Variants in DUSP18 observed in about 807,000 individuals in gnomAD.
The protein encoded by DUSP18 is dual specificity protein phosphatase 18.
Under a neutral mutation model 6.3 loss-of-function variants are expected in DUSP18, and 4 were observed. The observed-to-expected ratio is 0.63, with a 90% CI of 0.31 to 1.45. The LOEUF is 1.45. Ranked by LOEUF, DUSP18 falls within the 40% of genes most tolerant of loss-of-function variation. The pLI, the probability that DUSP18 is intolerant of heterozygous loss-of-function variation, is 0.07. For missense variants in DUSP18, 235 were observed against 247.7 expected (o/e 0.95, Z 0.34); for synonymous variants, 96 against 95.1 (o/e 1.01, Z -0.05).
chr22:30,654,672 CTTCT>C (rs1393237952), intron 2 of DUSP18: 6 of 432,974 alleles, frequency 1.4e-5, no homozygotes, highest in Non-Finnish European at 2.3e-5. Context: ...GGTACTTCAA[CTTCT>C]TTCTATAGAC....
chr22:30,654,709 C>A, intron 2 of DUSP18: 1 of 375,328 alleles, frequency 2.7e-6, no homozygotes. Flanking sequence ...ACTGATGCCC[C>A]CGCAGTGTAC....
exon 3 of DUSP18, chr22:30,652,293 A>T (rs1231141346): frequency 6.6e-6 from 1 of 152,226 alleles, no homozygotes; most frequent in East Asian, 1.9e-4. Flanking sequence ...CATCAAGGGC[A>T]GGGGCTGCAA....
At chr22:30,652,538 A>C (rs549123908) in intron 2 of DUSP18, among the ~76,000 whole-genome samples, 10 of 152,382 alleles carry the variant, frequency 6.6e-5, no homozygotes, top group African/African-American at 1.9e-4. Context: ...GCCTATGCCC[A>C]GGAATGAATA....
downstream of DUSP18, among the ~76,000 whole-genome samples, chr22:30,659,252 G>A (rs1193658207): frequency 4.6e-5 from 7 of 152,088 alleles, no homozygotes; most frequent in South Asian, 4.2e-4. Flanking sequence ...GACATTTTCC[G>A]TGGGATTTAA....
chr22:30,666,119 G>A (rs2088647898), intron 1 of DUSP18, among the ~76,000 whole-genome samples: 1 of 152,190 alleles, frequency 6.6e-6, no homozygotes, highest in African/African-American at 2.4e-5. Flanking sequence ...GAACCCAGAT[G>A]GAAGTCTAAA....
rs1555900944 is a variant in DUSP18 at position 30,662,033 on chromosome 22, T to TTG, written c.*1403_*1404insCA. ...AGGGTCTGAAAGGACTTAAACCATT[T>TTG]TTTTTTTTTTTTTTTTTTACACACA... On this transcript the variant is annotated 3_prime_UTR_variant, in exon 2 of 2. Transcript: ENST00000334679. The TTG allele has an allele frequency of 1.3e-5, 2 of 150,048 alleles. No homozygotes were observed. Among genetic ancestry groups the TTG allele is most frequent in the Non-Finnish European group, 3.0e-5 (2 of 67,394 alleles). The allele number at this position is 150,048 out of a possible 1,614,324, so 9.3% of individuals were successfully genotyped here. A position where few individuals can be genotyped will look rare whatever the true frequency, so the allele number is the denominator to read the frequency against.
intron 2 of DUSP18, chr22:30,654,526 G>A: frequency 2.3e-6 from 1 of 431,524 alleles, no homozygotes; most frequent in Admixed American, 2.6e-5. Flanking sequence ...GGGCGGCCTG[G>A]CTTCCTTGGT....
chr22:30,657,866 T>C (rs1434793128), downstream of DUSP18, among the ~76,000 whole-genome samples: 3 of 150,642 alleles, frequency 2.0e-5, no homozygotes, highest in Non-Finnish European at 2.9e-5. Context: ...ATCACGCCAC[T>C]GCACTCCAGC....
At chr22:30,666,628 A>AAAAAG in intron 1 of DUSP18, among the ~76,000 whole-genome samples, 1 of 145,640 alleles carries the variant, frequency 6.9e-6, no homozygotes, top group South Asian at 2.2e-4. Context: ...TCTCAAAAAA[A>AAAAAG]AAAAAAAAAA....
At chr22:30,658,525 T>A (rs2088393681), downstream of DUSP18, among the ~76,000 whole-genome samples, 1 of 151,984 alleles carries the variant, frequency 6.6e-6, no homozygotes, top group Admixed American at 6.6e-5. Flanking sequence ...TTGCCTTTTT[T>A]CTCTCTTCAT....
intron 2 of DUSP18, chr22:30,652,380 G>A (rs560209099): frequency 3.9e-5 from 6 of 152,358 alleles, no homozygotes; most frequent in Admixed American, 3.3e-4. Context: ...TGACTCCTAA[G>A]CCATAATTTC....
At position 30,661,467 on chromosome 22, in the gene DUSP18, A is replaced by C. The variant is rs1602100467; in HGVS notation, c.*1970T>G. 9.6e-6 allele frequency: 1 copy of C among 103,774 alleles called. No individual in the cohort carries two copies. The highest frequency in any genetic ancestry group is 1.1e-4 in the Admixed American group (1 of 8,830). 6.4% of individuals were successfully genotyped at this position (103,774 alleles called of 1,614,324 possible). The stretch of plus-strand genomic sequence containing the variant: ...TTCTTTTTTTTTTTTTTTCTTTTTG[A>C]GATGGAGTCTCACTCTTGTTGCCCA... On this transcript the variant is annotated 3_prime_UTR_variant, in exon 2 of 2. Transcript: ENST00000334679.
intron 2 of DUSP18, among the ~76,000 whole-genome samples, chr22:30,655,119 G>A (rs906382080): frequency 3.9e-5 from 6 of 152,050 alleles, no homozygotes; most frequent in Non-Finnish European, 8.8e-5. Flanking sequence ...AAGTTACAGG[G>A]GCTGTGCAGG....
chr22:30,654,137 G>A (rs542645847), intron 2 of DUSP18: 9 of 229,224 alleles, frequency 3.9e-5, no homozygotes, highest in East Asian at 1.4e-4. Context: ...CCGCCACCAC[G>A]CCCGGCTATT....
In DUSP18 at chr22:30,663,942, G is replaced by GA. The variant is rs544877040; in HGVS notation, c.61dup (p.Ser21PhefsTer23). 132 of 1,614,186 alleles carry GA rather than the reference G, an allele frequency of 8.2e-5. No homozygotes were observed. The East Asian group carries it at 1.8e-3, about 22-fold the overall frequency. On this transcript the variant is annotated frameshift_variant, in exon 2 of 2. Coordinates refer to ENST00000334679, the MANE Select transcript of DUSP18 (RefSeq NM_152511.5). LOFTEE classifies it high-confidence loss of function. Reference sequence around the variant, plus strand: ...GATATACAGGCTTTTGGTTATCTGCGAGAGGCCGCTGACTGAGGGCTGCCG... The same window carrying GA: ...GATATACAGGCTTTTGGTTATCTGCGAAGAGGCCGCTGACTGAGGGCTGCCG...
chr22:30,655,902 G>A (rs1474442698), intron 2 of DUSP18, among the ~76,000 whole-genome samples: 1 of 151,672 alleles, frequency 6.6e-6, no homozygotes, highest in Admixed American at 6.6e-5. Context: ...ATTGGGTCAC[G>A]ATCCAGAGGT....
exon 3 of DUSP18, chr22:30,652,055 G>C (rs1234998386): frequency 1.3e-5 from 2 of 152,194 alleles, no homozygotes; most frequent in Non-Finnish European, 2.9e-5. Flanking sequence ...CTGGTGTGCA[G>C]GAGACCAGAG....
downstream of DUSP18, among the ~76,000 whole-genome samples, chr22:30,659,091 TC>T (rs1335316487): frequency 1.5e-5 from 2 of 131,872 alleles, no homozygotes; most frequent in Non-Finnish European, 3.1e-5. Context: ...GCCATTGCAC[TC>T]CAGCCTAGGC....
intron 1 of DUSP18, among the ~76,000 whole-genome samples, chr22:30,666,357 A>C (rs2088662579): frequency 6.6e-6 from 1 of 152,180 alleles, no homozygotes; most frequent in Non-Finnish European, 1.5e-5. Flanking sequence ...ACGGTGGCTT[A>C]AGCCTATAAT....
Sources: allele counts gnomAD v4.1 joint callset (sites outside exome capture counted in the v4.1 genomes callset), GRCh38; gene constraint gnomAD v4.1.1; transcripts MANE v1.5; gene names NCBI Gene and HGNC (gene_info 2026-07-23, HGNC 2026-07-21).